The following ZNF503 variants were observed in gnomAD, a reference collection of about 807,000 sequenced individuals.
The protein encoded by ZNF503 is NocA-like zinc finger 2.
Under a neutral mutation model 34.4 loss-of-function variants are expected in ZNF503, and 15 were observed. The observed-to-expected ratio is 0.44, with a 90% CI of 0.29 to 0.67. The LOEUF is 0.67. Ranked by LOEUF, ZNF503 falls within the 30% of genes least tolerant of loss-of-function variation. ZNF503 has a pLI of 0.13. For missense variants in ZNF503, 1,007 were observed against 926.8 expected (o/e 1.09, Z -1.12); for synonymous variants, 580 against 456.8 (o/e 1.27, Z -3.44).
At chr10:75,349,716 G>T in the ZNF503 span, among the ~76,000 whole-genome samples, 9 of 152,236 alleles carry the variant, frequency 5.9e-5, no homozygotes, top group Non-Finnish European at 1.3e-4. Context: ...ACTGGAAGAA[G>T]ACCTGAGGCT....
the ZNF503 span, among the ~76,000 whole-genome samples, chr10:75,352,829 C>T: frequency 7.7e-3 from 1,170 of 152,332 alleles, 15 homozygotes; most frequent in African/African-American, 0.027. Context: ...TCAAGGACAG[C>T]TGAGAGTACG....
chr10:75,340,755 C>T, the ZNF503 span, among the ~76,000 whole-genome samples: 885 of 152,234 alleles, frequency 5.8e-3, 9 homozygotes, highest in African/African-American at 0.02. Flanking sequence ...TGCGCCACCA[C>T]GCTGGGCTAA....
the ZNF503 span, among the ~76,000 whole-genome samples, chr10:75,355,917 T>C: frequency 6.6e-6 from 1 of 152,146 alleles, no homozygotes; most frequent in African/African-American, 2.4e-5. Context: ...TGTTCACTCA[T>C]GTGTCTGGTG....
the ZNF503 span, among the ~76,000 whole-genome samples, chr10:75,325,620 T>C: frequency 3.3e-5 from 5 of 152,334 alleles, no homozygotes; most frequent in South Asian, 8.3e-4. Context: ...CTCATATACA[T>C]TTTAGAATCA....
chr10:75,309,133 TG>T, the ZNF503 span, among the ~76,000 whole-genome samples: 107 of 152,322 alleles, frequency 7.0e-4, 1 homozygote, highest in African/African-American at 2.5e-3. Context: ...TGAGCCACCA[TG>T]CCTGGCTGAG....
At chr10:75,339,218 G>A in the ZNF503 span, among the ~76,000 whole-genome samples, 795 of 152,182 alleles carry the variant, frequency 5.2e-3, 11 homozygotes, top group African/African-American at 0.018. Context: ...GTGACAGAGC[G>A]AGACTCCGTC....
At chr10:75,355,310 A>G in the ZNF503 span, among the ~76,000 whole-genome samples, 2 of 152,238 alleles carry the variant, frequency 1.3e-5, no homozygotes, top group African/African-American at 4.8e-5. Flanking sequence ...TTTAAAATAA[A>G]AACCTCCTAT....
chr10:75,281,238 A>G, the ZNF503 span, among the ~76,000 whole-genome samples: 3 of 152,110 alleles, frequency 2.0e-5, no homozygotes, highest in South Asian at 2.1e-4. Flanking sequence ...TTGCACCCGG[A>G]GGGGCCTGAG....
At chr10:75,342,474 A>C in the ZNF503 span, among the ~76,000 whole-genome samples, 1 of 152,178 alleles carries the variant, frequency 6.6e-6, no homozygotes, top group South Asian at 2.1e-4. Context: ...ATCCTTCCAG[A>C]ATGTCTTGGA....
At chr10:75,306,708 C>T in the ZNF503 span, among the ~76,000 whole-genome samples, 12 of 152,164 alleles carry the variant, frequency 7.9e-5, no homozygotes, top group Admixed American at 5.9e-4. Context: ...TTCATGTGCT[C>T]ACTTCGTGTC....
chr10:75,334,187 G>A, the ZNF503 span, among the ~76,000 whole-genome samples: 4 of 151,698 alleles, frequency 2.6e-5, 1 homozygote, highest in Middle Eastern at 6.8e-3. Flanking sequence ...CAAGGCAGGC[G>A]GCTGCTCCTT....
the ZNF503 span, among the ~76,000 whole-genome samples, chr10:75,317,290 T>G: frequency 2.2e-5 from 2 of 92,668 alleles, no homozygotes; most frequent in African/African-American, 8.3e-5. Flanking sequence ...TTTTTTTTTT[T>G]TTTTTGAGAC....
the ZNF503 span, among the ~76,000 whole-genome samples, chr10:75,307,085 C>T: frequency 6.6e-6 from 1 of 152,304 alleles, no homozygotes; most frequent in South Asian, 2.1e-4. Flanking sequence ...CCGCACACTT[C>T]TCCCTTTAAA....
At chr10:75,314,937 T>G in the ZNF503 span, among the ~76,000 whole-genome samples, 1 of 152,114 alleles carries the variant, frequency 6.6e-6, no homozygotes, top group Non-Finnish European at 1.5e-5. Context: ...ATTAATAACA[T>G]GAAAACATGA....
At chr10:75,381,287 C>T in the ZNF503 span, among the ~76,000 whole-genome samples, 2 of 152,056 alleles carry the variant, frequency 1.3e-5, no homozygotes, top group East Asian at 3.9e-4. Flanking sequence ...GCAGTGGTGC[C>T]ATCACAGGTC....
chr10:75,361,256 AG>A, the ZNF503 span: 19 of 152,346 alleles, frequency 1.2e-4, no homozygotes, highest in East Asian at 3.3e-3. Flanking sequence ...TTTAAAATTC[AG>A]TAAAATAATG....
chr10:75,348,653 A>T, the ZNF503 span, among the ~76,000 whole-genome samples: 1 of 151,408 alleles, frequency 6.6e-6, no homozygotes, highest in Non-Finnish European at 1.5e-5. Flanking sequence ...CTGGGACTAC[A>T]GGTGCCTGCC....
the ZNF503 span, chr10:75,280,249 A>G: frequency 6.6e-6 from 1 of 152,248 alleles, no homozygotes; most frequent in Non-Finnish European, 1.5e-5. Flanking sequence ...TTTTCACATG[A>G]GTCCATAATG....
In ZNF503 at chr10:75,401,397, G is replaced by A; in HGVS notation, c.23C>T (p.Ser8Phe). The change falls in exon 1 of 2, where the codon TCT becomes TTT. Residue 8 changes from serine (S) to phenylalanine (F), a missense_variant. Transcript: ENST00000372524. The stretch of plus-strand genomic sequence containing the variant: ...GCTGTGCTTACTGCTTCTTAGGGCA[G>A]AAAGCGAGGGCGCTGTGCTCATGAC... MSTAPSL[S>F]ALRSSKHSGG... The A allele has an allele frequency of 1.9e-6, 3 of 1,538,832 alleles. No homozygotes were observed. Among genetic ancestry groups the A allele is most frequent in the Non-Finnish European group, 1.7e-6 (2 of 1,146,356 alleles).
Sources: allele counts gnomAD v4.1 joint callset (sites outside exome capture counted in the v4.1 genomes callset), GRCh38; gene constraint gnomAD v4.1.1; transcripts MANE v1.5; gene names NCBI Gene and HGNC (gene_info 2026-07-23, HGNC 2026-07-21).